The following MYOM1 variants were observed in gnomAD, a reference collection of about 807,000 sequenced individuals.
The protein encoded by MYOM1 is myomesin 1.
In MYOM1, 164 loss-of-function variants were observed where a neutral mutation model predicts 205.3. The observed-to-expected ratio is 0.80, with a 90% confidence interval of 0.70 to 0.91. The LOEUF is 0.91. Ranked by LOEUF, MYOM1 falls within the 40% of genes least tolerant of loss-of-function variation. The pLI is 0.00. For synonymous variants in MYOM1, 772 were observed against 789.4 expected (o/e 0.98, Z 0.37); for missense variants, 2,011 against 2,127.3 (o/e 0.95, Z 1.08).
the MYOM1 span, among the ~76,000 whole-genome samples, chr18:3,244,673 C>T: frequency 6.6e-6 from 1 of 150,728 alleles, no homozygotes; most frequent in South Asian, 2.1e-4. Context: ...GGTGGATCAC[C>T]TGAGGTCAGG....
At chr18:3,079,741 A>G (rs1688094473) in intron 33 of MYOM1, among the ~76,000 whole-genome samples, 1 of 152,216 alleles carries the variant, frequency 6.6e-6, no homozygotes, top group Non-Finnish European at 1.5e-5. Flanking sequence ...ATGGCTATAA[A>G]TCAGATTCTA....
chr18:3,086,224 G>T, intron 29 of MYOM1, 73 bp from the exon 30 acceptor site: 1 of 814,426 alleles, frequency 1.2e-6, no homozygotes. Flanking sequence ...AGTTCTTAAT[G>T]CAGCAAGATA....
rs530808406 is a variant in MYOM1 at position 3,215,164 on chromosome 18, C to G, written c.60G>C (p.Lys20Asn). 1.2e-6 allele frequency: 2 copies of G among 1,613,574 alleles called. No homozygotes were observed. The highest frequency in any genetic ancestry group is 4.5e-5 in the East Asian group (2 of 44,878). ...AGTGACTCACGGTGCTGCGCACGTCCTTGTTGCGGTAGCTGAGATCATAGT... is the reference window on the plus strand; with the variant it reads ...AGTGACTCACGGTGCTGCGCACGTCGTTGTTGCGGTAGCTGAGATCATAGT... ...HQHYDLSYRN[K>N]DVRSTVSHYQ... The change falls in exon 2 of 38, where the codon AAG (lysine) becomes AAC (asparagine). Residue 20 changes from lysine (K) to asparagine (N), a missense_variant. Coordinates refer to ENST00000356443, the MANE Select transcript of MYOM1 (RefSeq NM_003803.4).
the MYOM1 span, chr18:3,246,728 T>G: frequency 6.6e-6 from 1 of 152,236 alleles, no homozygotes; most frequent in African/African-American, 2.4e-5. Context: ...AACCCAAACT[T>G]CAGAAGGGTT....
rs1002592369 is a variant in MYOM1, at chr18:3,209,882, A to G, written c.290+5052T>C. On this transcript the variant is annotated intron_variant, in intron 2 of 37. Transcript: ENST00000356443. The surrounding 1 kb of genome is among the most constrained non-coding windows in gnomAD (Gnocchi z 4.0). ...ACCTTCTGGTATAAAATATAATTCT[A>G]CTTAATATAATAGATTCAATACAAT... 6.6e-5 allele frequency among the ~76,000 whole-genome samples: 10 copies of G among 152,132 alleles called. No individual in the cohort carries two copies. Among genetic ancestry groups the G allele is most frequent in the Admixed American group, 2.6e-4 (4 of 15,276 alleles).
At position 3,147,305 on chromosome 18, in the gene MYOM1, T is replaced by A. The variant is rs369846379; in HGVS notation, c.1900+1840A>T. Among the ~76,000 whole-genome samples the A allele has an allele frequency of 1.4e-3, 215 of 151,676 alleles. 1 individual carries two copies. The South Asian group carries it at 0.014, about 10-fold the overall frequency. On this transcript the variant is annotated intron_variant, in intron 13 of 37. Transcript: ENST00000356443. The stretch of plus-strand genomic sequence containing the variant: ...GATAAAAGAGGAGCAAACGAATGTA[T>A]GAGATTATATCTATAAAAATGTGCA...
In MYOM1 at chr18:3,209,463, G is replaced by A. The variant is rs538437147; in HGVS notation, c.290+5471C>T. On this transcript the variant is annotated intron_variant, in intron 2 of 37. Coordinates refer to ENST00000356443, the MANE Select transcript of MYOM1 (RefSeq NM_003803.4). The surrounding 1 kb of genome is among the most constrained non-coding windows in gnomAD (Gnocchi z 4.0). ...TGTTACCACTGAGTCAGAGCATGTCGCTATTCTGCTCAAAACTGTCATGGA... is the reference window on the plus strand; with the variant it reads ...TGTTACCACTGAGTCAGAGCATGTCACTATTCTGCTCAAAACTGTCATGGA... Among the ~76,000 whole-genome samples, 7 of 152,282 alleles carry A rather than the reference G, an allele frequency of 4.6e-5. No homozygotes were observed. The highest frequency in any genetic ancestry group is 2.1e-4 in the South Asian group (1 of 4,826).
chr18:3,151,906 G>A lies in MYOM1; in HGVS notation c.1644-13C>T, dbSNP rs1427018193. 3 of 1,605,382 alleles carry A rather than the reference G, an allele frequency of 1.9e-6. No homozygotes were observed. Among genetic ancestry groups the A allele is most frequent in the Admixed American group, 3.4e-5 (2 of 59,394 alleles). On this transcript the variant is annotated splice_polypyrimidine_tract_variant and intron_variant, in intron 11 of 37. Transcript: ENST00000356443. ...GCCCACCTCACACCTAAAGGAATGA[G>A]CGTGATTGACAAAAATATTAAAAGA...
chr18:3,091,293 G>A (rs1350396013), intron 26 of MYOM1, among the ~76,000 whole-genome samples: 3 of 151,838 alleles, frequency 2.0e-5, no homozygotes, highest in African/African-American at 4.8e-5. Context: ...TCCAGCCTGG[G>A]CAACAAGAGC....
chr18:3,125,861 G>A (rs1255963286), intron 19 of MYOM1, among the ~76,000 whole-genome samples: 1 of 152,162 alleles, frequency 6.6e-6, no homozygotes, highest in Non-Finnish European at 1.5e-5. Flanking sequence ...GAACACATGT[G>A]AGGCCACCCT....
At chr18:3,147,139 T>G (rs1050106493) in intron 13 of MYOM1, among the ~76,000 whole-genome samples, 9 of 143,004 alleles carry the variant, frequency 6.3e-5, no homozygotes, top group Middle Eastern at 3.3e-3. Context: ...ATATTATAGA[T>G]AAATATATAT....
At chr18:3,223,061 T>C (rs991737392), upstream of MYOM1, among the ~76,000 whole-genome samples, 4 of 152,104 alleles carry the variant, frequency 2.6e-5, no homozygotes, top group African/African-American at 9.7e-5. Flanking sequence ...GTTTGTACTT[T>C]TGTAGAGATG....
In MYOM1 at chr18:3,155,064, G is replaced by C. The variant is rs868530408; in HGVS notation, c.1526C>G (p.Ala509Gly). ...VRDADAEIEG[A>G]PAAPLDVKCL... is the part of the protein sequence containing the mutation. ...CTTCACATCCAAGGGAGCAGCTGGG[G>C]CTCCTTCAATCTCTGCATCAGCATC... Residue 509 changes from alanine to glycine, a missense_variant, in exon 11 of 38, where the codon GCC (alanine) becomes GGC (glycine). Physicochemically the swap from Ala to Gly is moderately conservative, Grantham distance 60. Coordinates refer to ENST00000356443, the MANE Select transcript of MYOM1 (RefSeq NM_003803.4). 1 of 1,612,764 alleles carries C rather than the reference G, an allele frequency of 6.2e-7. No homozygotes were observed. Among genetic ancestry groups the C allele is most frequent in the Middle Eastern group, 1.7e-4 (1 of 6,056 alleles).
intron 5 of MYOM1, among the ~76,000 whole-genome samples, chr18:3,178,542 G>A (rs1457304734): frequency 6.6e-6 from 1 of 152,176 alleles, no homozygotes; most frequent in Non-Finnish European, 1.5e-5. Flanking sequence ...GCTTCAGTCA[G>A]CTCCTTCCTT....
chr18:3,229,419 T>A, the MYOM1 span, among the ~76,000 whole-genome samples: 1 of 151,478 alleles, frequency 6.6e-6, no homozygotes, highest in East Asian at 1.9e-4. Flanking sequence ...TCTCTTTCAG[T>A]TCGAAAAGGA....
rs373424439 is a variant in MYOM1 at position 3,119,843 on chromosome 18, T to C, written c.3118+26A>G. 5.6e-5 allele frequency: 89 copies of C among 1,586,184 alleles called. 1 individual carries two copies. In the African/African-American group the frequency reaches 7.9e-4, roughly 14 times the overall value. ...TCTTGGAGGAAATTCCGAGGTGCGG[T>C]GTGGAGGCAGGTGTCTGTGGTTTAC... is the stretch of plus-strand genomic sequence containing the variant. On this transcript the variant is annotated intron_variant, in intron 20 of 37. Transcript: ENST00000356443.
At position 3,187,535 on chromosome 18, in the gene MYOM1, C is replaced by T. The variant is rs1179622391; in HGVS notation, c.874G>A (p.Glu292Lys). 6.2e-7 allele frequency: 1 copy of T among 1,613,826 alleles called. No homozygotes were observed. The highest frequency in any genetic ancestry group is 8.5e-7 in the Non-Finnish European group (1 of 1,179,856). Reference sequence around the variant, plus strand: ...ATGGAGCAATGCAATTTTACATTCTCCTTCTCCCAAACCGTGTGGGAGCGA... The same window carrying T: ...ATGGAGCAATGCAATTTTACATTCTTCTTCTCCCAAACCGTGTGGGAGCGA... ...KPRSHTVWEKENVKLHCSIAG... is the reference protein window; with the variant it reads ...KPRSHTVWEKKNVKLHCSIAG... The change falls in exon 5 of 38, where the codon GAG becomes AAG. Residue 292 changes from glutamate (E) to lysine (K), a missense_variant. By Grantham distance (56) the Glu-to-Lys change is moderately conservative (BLOSUM62 1). Transcript: ENST00000356443.
intron 18 of MYOM1, 136 bp downstream of exon 18, chr18:3,129,096 G>T: frequency 8.6e-7 from 1 of 1,167,798 alleles, no homozygotes; most frequent in Non-Finnish European, 1.2e-6. Flanking sequence ...ACACATTTCA[G>T]ATGGCTAGCT....
chr18:3,241,112 C>G, the MYOM1 span, among the ~76,000 whole-genome samples: 3 of 152,106 alleles, frequency 2.0e-5, no homozygotes, highest in African/African-American at 7.2e-5. Flanking sequence ...CCTGAAAATG[C>G]AATAGAAAAG....
Sources: gnomAD v4.1 joint callset for allele counts (sites outside exome capture counted in the v4.1 genomes callset) on GRCh38, gnomAD v4.1.1 for gene constraint, Gnocchi (gnomAD v3.1) non-coding constraint, MANE v1.5 for transcripts, NCBI Gene and HGNC (gene_info 2026-07-23, HGNC 2026-07-21) for gene names.